SEPTIN9: variants seen among roughly 807,000 people sequenced by gnomAD.
The protein encoded by SEPTIN9 is septin-9.
SEPTIN9 carries 13 observed loss-of-function variants against 56.6 expected under a neutral mutation model. That is an observed-to-expected ratio of 0.23 (90% CI 0.15 to 0.37). SEPTIN9 has a LOEUF of 0.37. Among genes scored for constraint, SEPTIN9 ranks in the 10% least tolerant of loss-of-function variants. The probability of loss-of-function intolerance (pLI) is 1.00; values close to 1 mark genes in which losing one functional copy is unlikely to be tolerated. For missense variants in SEPTIN9, 650 were observed against 823.1 expected, an observed-to-expected ratio of 0.79 and a Z score of 2.57; for synonymous variants, 332 against 334.1, an observed-to-expected ratio of 0.99 and a Z score of 0.07.
intron 3 of SEPTIN9, chr17:77,428,909 A>G (rs1347800907): frequency 4.7e-6 from 2 of 422,642 alleles, no homozygotes; most frequent in Non-Finnish European, 1.0e-5. Context: ...TAAATTGGGG[A>G]CAAATTTGGG....
In SEPTIN9 at chr17:77,487,051, G is replaced by A. The variant is rs983766628; in HGVS notation, c.914-373G>A. Among the ~76,000 whole-genome samples, 2 of 152,218 alleles carry A rather than the reference G, an allele frequency of 1.3e-5. No individual in the cohort carries two copies. The highest frequency in any genetic ancestry group is 1.9e-4 in the East Asian group (1 of 5,196). ...CCGGCCACCTGGTGCACCCTGGGCA[G>A]CCCTGGGCTCCTCCGCCAGCCCGGC... is the stretch of plus-strand genomic sequence containing the variant. On this transcript the variant is annotated intron_variant, in intron 4 of 11. Transcript: ENST00000427177. This position sits in a 1 kb window ranked among gnomAD's most constrained non-coding sequence, Gnocchi z 4.3.
intron 1 of SEPTIN9, among the ~76,000 whole-genome samples, chr17:77,289,867 G>A (rs946271149): frequency 6.6e-6 from 1 of 152,142 alleles, no homozygotes; most frequent in Non-Finnish European, 1.5e-5. Context: ...ACAATCATTG[G>A]CTGTAGCATT....
chr17:77,467,293 T>G (rs927881163), intron 3 of SEPTIN9, among the ~76,000 whole-genome samples: 1 of 152,180 alleles, frequency 6.6e-6, no homozygotes, highest in African/African-American at 2.4e-5. Context: ...CTGGCCAAGG[T>G]CTCAGTGTCT....
intron 3 of SEPTIN9, among the ~76,000 whole-genome samples, chr17:77,474,934 A>G (rs2039146826): frequency 6.6e-6 from 1 of 152,120 alleles, no homozygotes; most frequent in Non-Finnish European, 1.5e-5. Context: ...TGGGAGGCCA[A>G]GGTGGGAGGA....
At position 77,435,782 on chromosome 17, in the gene SEPTIN9, C is replaced by T. The variant is rs760869090; in HGVS notation, c.721+33079C>T. On this transcript the variant is annotated intron_variant, in intron 3 of 11. Coordinates refer to ENST00000427177, the MANE Select transcript of SEPTIN9 (RefSeq NM_001113491.2). This position sits in a 1 kb window ranked among gnomAD's most constrained non-coding sequence, Gnocchi z 4.5. ...CCACCTGAGGGAGGTCAGCATGTCG[C>T]CTTCATCCCAGGACAGTGTGAATGC... Among the ~76,000 whole-genome samples, 35 of 152,242 alleles carry T rather than the reference C, an allele frequency of 2.3e-4. No homozygotes were observed. The highest frequency in any genetic ancestry group is 4.1e-4 in the Non-Finnish European group (28 of 68,042).
chr17:77,291,015 G>C (rs76634509), intron 1 of SEPTIN9, among the ~76,000 whole-genome samples: 1 of 147,110 alleles, frequency 6.8e-6, no homozygotes, highest in East Asian at 2.0e-4. Context: ...ACAGGTGTGC[G>C]CTGCATGCCT....
At chr17:77,447,940 G>A (rs1290143006) in intron 3 of SEPTIN9, among the ~76,000 whole-genome samples, 2 of 152,188 alleles carry the variant, frequency 1.3e-5, no homozygotes, top group African/African-American at 2.4e-5. Flanking sequence ...CATTTCTTAG[G>A]AGAAGCTCTG....
intron 2 of SEPTIN9, among the ~76,000 whole-genome samples, chr17:77,343,993 C>T (rs185319043): frequency 2.2e-4 from 33 of 152,098 alleles, no homozygotes; most frequent in Admixed American, 1.6e-3. Context: ...GATGTGACAC[C>T]GAAAATACAA....
chr17:77,395,020 G>A (rs2035658417), intron 2 of SEPTIN9, among the ~76,000 whole-genome samples: 1 of 152,092 alleles, frequency 6.6e-6, no homozygotes, highest in South Asian at 2.1e-4. Flanking sequence ...GGGCCAGCAT[G>A]CAGTTACCCA....
chr17:77,376,787 T>C (rs2143937259), intron 2 of SEPTIN9: 1 of 152,380 alleles, frequency 6.6e-6, no homozygotes, highest in South Asian at 2.1e-4. Flanking sequence ...CCTGTGTGTG[T>C]GCTCGGAGTT....
chr17:77,299,906 G>A (rs1168445095), intron 1 of SEPTIN9, among the ~76,000 whole-genome samples: 1 of 152,214 alleles, frequency 6.6e-6, no homozygotes, highest in Admixed American at 6.5e-5. Context: ...GGCCTTCTTT[G>A]GCTTTTGGCT....
chr17:77,288,222 G>A, intron 1 of SEPTIN9: 2 of 1,045,764 alleles, frequency 1.9e-6, no homozygotes, highest in Non-Finnish European at 2.3e-6. Flanking sequence ...TGGGTGCATT[G>A]CTCTCTTTCC....
chr17:77,491,028 G>C, intron 8 of SEPTIN9, among the ~76,000 whole-genome samples, 169 bp downstream of exon 8: 1 of 152,192 alleles, frequency 6.6e-6, no homozygotes, highest in Non-Finnish European at 1.5e-5. Context: ...GGTGGCTGCT[G>C]GGGGCCGTCC....
rs1568107926 is a variant in SEPTIN9 at position 77,482,190 on chromosome 17, C to T, written c.768C>T (p.Pro256=). The T allele has an allele frequency of 1.2e-6, 2 of 1,608,494 alleles. No homozygotes were observed. The highest frequency in any genetic ancestry group is 1.7e-6 in the Non-Finnish European group (2 of 1,178,082). The change falls in exon 4 of 12, where the codon CCC becomes CCT. Residue 256 remains proline, a synonymous_variant. Transcript: ENST00000427177. ...GCGTTGGCGACATGGCCGACACCCC[C>T]AGAGATGCCGGGCTCAAGCAGGCGC... ...PSCVGDMADT[P]RDAGLKQAPA...
intron 2 of SEPTIN9, among the ~76,000 whole-genome samples, chr17:77,353,552 C>T (rs2034127399): frequency 6.6e-6 from 1 of 152,000 alleles, no homozygotes; most frequent in South Asian, 2.1e-4. Flanking sequence ...CTCAGAGGTC[C>T]CTGCCAATAC....
chr17:77,460,851 G>A (rs2038439906), intron 3 of SEPTIN9, among the ~76,000 whole-genome samples: 1 of 152,184 alleles, frequency 6.6e-6, no homozygotes, highest in Non-Finnish European at 1.5e-5. Context: ...AGAGACCTTG[G>A]GGATGAGTTG....
At chr17:77,463,800 G>A (rs1030411326) in intron 3 of SEPTIN9, among the ~76,000 whole-genome samples, 14 of 152,016 alleles carry the variant, frequency 9.2e-5, no homozygotes, top group Admixed American at 2.0e-4. Flanking sequence ...CCGAGATCGC[G>A]CCATTGCATT....
chr17:77,339,492 T>C (rs1418977870), intron 2 of SEPTIN9, among the ~76,000 whole-genome samples: 1 of 149,814 alleles, frequency 6.7e-6, no homozygotes, highest in East Asian at 2.0e-4. Flanking sequence ...GATTCTTTTT[T>C]CCTGAGCAGT....
chr17:77,411,084 T>TG (rs778434859), intron 3 of SEPTIN9, among the ~76,000 whole-genome samples: 9 of 142,988 alleles, frequency 6.3e-5, no homozygotes, highest in East Asian at 2.0e-4. Flanking sequence ...GACTCCCATC[T>TG]GGGAAAAAAA....
Sources: gnomAD v4.1 joint callset for allele counts (sites outside exome capture counted in the v4.1 genomes callset) on GRCh38, gnomAD v4.1.1 for gene constraint, Gnocchi (gnomAD v3.1) non-coding constraint, MANE v1.5 for transcripts, NCBI Gene and HGNC (gene_info 2026-07-23, HGNC 2026-07-21) for gene names.